Variants in SAMD12 observed in about 807,000 individuals in gnomAD.
SAMD12 encodes sterile alpha motif domain containing 12.
In SAMD12, 9 loss-of-function variants were observed where a neutral mutation model predicts 15.0. The ratio of observed to expected loss-of-function variants is 0.60; its 90% CI spans 0.36 to 1.05. SAMD12 has a LOEUF of 1.05. Ranked by LOEUF, SAMD12 falls within the 50% of genes least tolerant of loss-of-function variation. SAMD12 has a pLI of 0.01. For missense variants in SAMD12, 230 were observed against 234.2 expected (o/e 0.98, Z 0.12); for synonymous variants, 86 against 90.1 (o/e 0.96, Z 0.25).
chr8:118,530,190 A>G (rs1354320121), intron 2 of SAMD12, among the ~76,000 whole-genome samples: 1 of 152,096 alleles, frequency 6.6e-6, no homozygotes, highest in Non-Finnish European at 1.5e-5. Flanking sequence ...GTGTCTGTTC[A>G]TGTCCTTTGC....
intron 4 of SAMD12, among the ~76,000 whole-genome samples, chr8:118,314,671 T>C (rs1468424116): frequency 6.6e-6 from 1 of 152,216 alleles, no homozygotes; most frequent in African/African-American, 2.4e-5. Flanking sequence ...TGGCTTTTTC[T>C]CCACTCAGCA....
chr8:118,271,800 A>G lies in SAMD12; in HGVS notation c.434-74068T>C, dbSNP rs528872664. On this transcript the variant is annotated intron_variant, in intron 4 of 4. Coordinates refer to the SAMD12 transcript ENST00000409003. ...GATCTCCTTTGACTCCTTGTCTTATATACAGCTCCCACTGATGCAAGACAC... is the reference window on the plus strand; with the variant it reads ...GATCTCCTTTGACTCCTTGTCTTATGTACAGCTCCCACTGATGCAAGACAC... 2.7e-3 allele frequency among the ~76,000 whole-genome samples: 412 copies of G among 152,306 alleles called. 3 individuals are homozygous for G. The highest frequency in any genetic ancestry group is 4.6e-3 in the Non-Finnish European group (312 of 68,010).
At chr8:118,519,733 A>G (rs76496426) in intron 2 of SAMD12, among the ~76,000 whole-genome samples, 1,981 of 152,312 alleles carry the variant, frequency 0.013, 56 homozygotes, top group African/African-American at 0.046. Flanking sequence ...GGCCTTCAAG[A>G]ACATGCTGCC....
At chr8:118,221,646 G>A (rs1402037331) in intron 4 of SAMD12, among the ~76,000 whole-genome samples, 2 of 152,172 alleles carry the variant, frequency 1.3e-5, no homozygotes, top group Non-Finnish European at 2.9e-5. Flanking sequence ...TGAAGAGACA[G>A]GTATACCAGG....
intron 4 of SAMD12, among the ~76,000 whole-genome samples, chr8:118,325,386 A>G (rs550182665): frequency 1.4e-3 from 214 of 152,318 alleles, no homozygotes; most frequent in African/African-American, 4.8e-3. Context: ...GAGAGTGAGA[A>G]GGAAGCTGTG....
the SAMD12 span, among the ~76,000 whole-genome samples, chr8:118,166,115 A>G: frequency 1.3e-5 from 2 of 152,202 alleles, no homozygotes; most frequent in South Asian, 4.1e-4. Context: ...AGCAACTGGC[A>G]CATTTTTTTC....
chr8:118,336,595 C>A (rs1817080528), intron 4 of SAMD12, among the ~76,000 whole-genome samples: 1 of 151,892 alleles, frequency 6.6e-6, no homozygotes, highest in African/African-American at 2.4e-5. Flanking sequence ...GAGGAATTGC[C>A]ACACTGTCTT....
At chr8:118,182,197 A>T in the SAMD12 span, among the ~76,000 whole-genome samples, 1 of 152,228 alleles carries the variant, frequency 6.6e-6, no homozygotes, top group Non-Finnish European at 1.5e-5. Context: ...TTACATGGAA[A>T]GGAAAACTTG....
the SAMD12 span, among the ~76,000 whole-genome samples, chr8:118,183,295 A>T: frequency 6.6e-6 from 1 of 152,218 alleles, no homozygotes; most frequent in African/African-American, 2.4e-5. Context: ...CACCAACTGA[A>T]TTCTGTGCAA....
chr8:118,150,166 T>C, the SAMD12 span, among the ~76,000 whole-genome samples: 2 of 152,224 alleles, frequency 1.3e-5, no homozygotes, highest in Non-Finnish European at 2.9e-5. Context: ...CAAAGAGTTA[T>C]CTAGTTCCAA....
At chr8:118,282,693 C>A (rs1349409499) in intron 4 of SAMD12, among the ~76,000 whole-genome samples, 2 of 152,084 alleles carry the variant, frequency 1.3e-5, no homozygotes, top group African/African-American at 2.4e-5. Context: ...TAAGTTGATA[C>A]CATCCAGTTG....
At chr8:118,544,080 C>A (rs1297264646) in intron 2 of SAMD12, among the ~76,000 whole-genome samples, 1 of 151,792 alleles carries the variant, frequency 6.6e-6, no homozygotes, top group Non-Finnish European at 1.5e-5. Context: ...CCACCCAAAA[C>A]TGAAACTCTC....
intron 3 of SAMD12, among the ~76,000 whole-genome samples, chr8:118,385,215 G>T (rs1236764552): frequency 6.6e-6 from 1 of 152,064 alleles, no homozygotes; most frequent in Non-Finnish European, 1.5e-5. Flanking sequence ...TTTGGGGATG[G>T]GATTAAAATT....
At chr8:118,612,690 A>G (rs1828138080) in intron 1 of SAMD12, among the ~76,000 whole-genome samples, 2 of 152,252 alleles carry the variant, frequency 1.3e-5, no homozygotes, top group Admixed American at 1.3e-4. Context: ...TACTCACTAT[A>G]TGACTTGTAA....
intron 1 of SAMD12, among the ~76,000 whole-genome samples, chr8:118,601,264 A>C (rs529051628): frequency 6.6e-6 from 1 of 152,262 alleles, no homozygotes; most frequent in African/African-American, 2.4e-5. Context: ...TTTTAAAAAA[A>C]TTCTTAAATT....
At chr8:118,234,797 T>G (rs1812392555) in intron 4 of SAMD12, among the ~76,000 whole-genome samples, 2 of 152,016 alleles carry the variant, frequency 1.3e-5, no homozygotes, top group Non-Finnish European at 2.9e-5. Context: ...TGTTGTTTTT[T>G]AGAGATAAGT....
At chr8:118,178,411 T>C in the SAMD12 span, among the ~76,000 whole-genome samples, 1 of 152,212 alleles carries the variant, frequency 6.6e-6, no homozygotes, top group African/African-American at 2.4e-5. Flanking sequence ...AAGTACTTCC[T>C]GCAAAGCATA....
chr8:118,565,065 G>A (rs1826809829), intron 2 of SAMD12, among the ~76,000 whole-genome samples: 1 of 152,176 alleles, frequency 6.6e-6, no homozygotes, highest in African/African-American at 2.4e-5. Context: ...CAGGAGGGGA[G>A]GGGAAGTGGA....
chr8:118,212,827 C>T (rs1371336631), intron 4 of SAMD12, among the ~76,000 whole-genome samples: 1 of 152,106 alleles, frequency 6.6e-6, no homozygotes, highest in Non-Finnish European at 1.5e-5. Flanking sequence ...GCCATGTGAC[C>T]TACAGTGATT....
Sources: gnomAD v4.1 joint callset for allele counts (sites outside exome capture counted in the v4.1 genomes callset) on GRCh38, gnomAD v4.1.1 for gene constraint, MANE v1.5 for transcripts, NCBI Gene and HGNC (gene_info 2026-07-23, HGNC 2026-07-21) for gene names.